The following D2HGDH variants were observed in gnomAD, a reference collection of about 807,000 sequenced individuals.
D2HGDH encodes the protein D-2-hydroxyglutarate dehydrogenase, mitochondrial.
Under a neutral mutation model 46.9 loss-of-function variants are expected in D2HGDH, and 31 were observed. The observed-to-expected ratio is 0.66, with a 90% CI of 0.50 to 0.89. The LOEUF (loss-of-function observed/expected upper bound fraction) is 0.89, where lower values mean the gene tolerates loss of function less well. D2HGDH is among the 40% of genes least tolerant of loss of function. The pLI, the probability that D2HGDH is intolerant of heterozygous loss-of-function variation, is 0.00. For missense variants in D2HGDH, 698 were observed against 720.8 expected (o/e 0.97, Z 0.36); for synonymous variants, 364 against 332.6 (o/e 1.09, Z -1.03).
intron 9 of D2HGDH, among the ~76,000 whole-genome samples, chr2:241,760,584 C>T (rs1379662386): frequency 5.9e-5 from 9 of 151,664 alleles, no homozygotes; most frequent in Non-Finnish European, 1.0e-4. Flanking sequence ...CCCAATCAGT[C>T]GAAGTCCTTC....
intron 9 of D2HGDH, among the ~76,000 whole-genome samples, chr2:241,764,477 C>T (rs1287498081): frequency 1.3e-5 from 2 of 152,158 alleles, no homozygotes; most frequent in Non-Finnish European, 2.9e-5. Context: ...TTAGGGATGT[C>T]ACATGACAGG....
chr2:241,759,950 T>G (rs936034275), intron 9 of D2HGDH, among the ~76,000 whole-genome samples: 1 of 152,296 alleles, frequency 6.6e-6, no homozygotes, highest in Admixed American at 6.5e-5. Flanking sequence ...ATATTTTTTA[T>G]GTGTGATTAA....
At chr2:241,763,240 TCA>T (rs1698992365) in intron 9 of D2HGDH, among the ~76,000 whole-genome samples, 1 of 152,232 alleles carries the variant, frequency 6.6e-6, no homozygotes, top group African/African-American at 2.4e-5. Context: ...CGGAGGGCAC[TCA>T]CACCCAGATG....
In D2HGDH at chr2:241,735,258, T is replaced by A. The variant is rs748165874; in HGVS notation, c.34T>A (p.Trp12Arg). The A allele has an allele frequency of 6.6e-7, 1 of 1,517,930 alleles. No individual in the cohort carries two copies. The highest frequency in any genetic ancestry group is 1.2e-5 in the South Asian group (1 of 81,878). 94.0% of individuals were successfully genotyped at this position (1,517,930 alleles called of 1,614,324 possible). A position where few individuals can be genotyped will look rare whatever the true frequency, so the allele number is the denominator to read the frequency against. Residue 12 changes from tryptophan (W) to arginine (R), a missense_variant, in exon 2 of 10, where the codon TGG becomes AGG. Coordinates refer to ENST00000321264, the MANE Select transcript of D2HGDH (RefSeq NM_152783.5). ...LPRRPLAWPA[W>R]LLRGAPGAAG... ...CCGTCGGCCTCTGGCGTGGCCCGCG[T>A]GGCTGTTGCGGGGTGCTCCGGGAGC...
At position 241,758,750 on chromosome 2, in the gene D2HGDH, GC is replaced by G. The variant is rs1333453744; in HGVS notation, c.1306+2742del. ...AACACAGTGACATCTGATCTATACC[GC>G]CCCCCGCCCCACAATATATGTGTGT... is the stretch of plus-strand genomic sequence containing the variant. On this transcript the variant is annotated intron_variant, in intron 9 of 9. Transcript: ENST00000321264. Among the ~76,000 whole-genome samples, 4 of 144,106 alleles carry G rather than the reference GC, an allele frequency of 2.8e-5. No individual in the cohort carries two copies. In the East Asian group the frequency reaches 8.4e-4, roughly 30 times the overall value. 94.5% of individuals were successfully genotyped at this position (144,106 alleles called of 152,430 possible).
chr2:241,761,079 C>T (rs1214913361), intron 9 of D2HGDH, among the ~76,000 whole-genome samples: 1 of 152,174 alleles, frequency 6.6e-6, no homozygotes, highest in Admixed American at 6.5e-5. Context: ...CGTTTACCCC[C>T]CAGTTTATGG....
chr2:241,748,761 A>T, intron 6 of D2HGDH: 1 of 1,073,124 alleles, frequency 9.3e-7, no homozygotes, highest in Non-Finnish European at 1.2e-6. Context: ...GGCAGCCTTG[A>T]CTGCTTCTGC....
At position 241,767,992 on chromosome 2, in the gene D2HGDH, G is replaced by A. The variant is rs1448976720; in HGVS notation, c.*23G>A. 19 of 1,570,636 alleles carry A rather than the reference G, an allele frequency of 1.2e-5. No individual in the cohort carries two copies. Among genetic ancestry groups the A allele is most frequent in the Admixed American group, 1.8e-5 (1 of 55,866 alleles). ...TGACGGCCACTCCTGCTGCTGCCAA[G>A]GCCCACTGGGGGTCGGCGGGTGGCT... On this transcript the variant is annotated 3_prime_UTR_variant, in exon 10 of 10. Coordinates refer to ENST00000321264, the MANE Select transcript of D2HGDH (RefSeq NM_152783.5).
chr2:241,758,326 A>G (rs1451073060), intron 9 of D2HGDH, among the ~76,000 whole-genome samples: 1 of 152,034 alleles, frequency 6.6e-6, no homozygotes, highest in African/African-American at 2.4e-5. Context: ...TTGAGGGAGT[A>G]TTTTAAAATT....
At chr2:241,758,846 C>T (rs1019911777) in intron 9 of D2HGDH, among the ~76,000 whole-genome samples, 5 of 147,522 alleles carry the variant, frequency 3.4e-5, no homozygotes, top group African/African-American at 1.0e-4. Flanking sequence ...GTTGTGTGGC[C>T]GGACCGGTCT....
chr2:241,740,963 G>C (rs985606296), intron 2 of D2HGDH, 70 bp from the exon 3 acceptor site: 3 of 1,321,194 alleles, frequency 2.3e-6, no homozygotes, highest in Admixed American at 1.8e-5. Context: ...TCGCTCTCTG[G>C]GGCGAGTGAC....
At chr2:241,759,060 G>A (rs1698487525) in intron 9 of D2HGDH, among the ~76,000 whole-genome samples, 1 of 152,008 alleles carries the variant, frequency 6.6e-6, no homozygotes, top group Non-Finnish European at 1.5e-5. Flanking sequence ...CTTTTTTATT[G>A]CATTATACCC....
Position 241,768,178 on chromosome 2 carries a change from C to T in D2HGDH, c.*209C>T, listed in dbSNP as rs1699307591. On this transcript the variant is annotated 3_prime_UTR_variant, in exon 10 of 10. Transcript: ENST00000321264. Reference sequence around the variant, plus strand: ...AGTGGGGGGCGTGGCAGGCACCCTCCTTTGCAGGGCGAGGTGGGGCCTCTG... The same window carrying T: ...AGTGGGGGGCGTGGCAGGCACCCTCTTTTGCAGGGCGAGGTGGGGCCTCTG... The T allele has an allele frequency of 5.2e-6, 4 of 770,422 alleles. No homozygotes were observed. The highest frequency in any genetic ancestry group is 8.1e-6 in the Non-Finnish European group (4 of 495,716). The allele number at this position is 770,422 out of a possible 1,614,324, so 47.7% of individuals were successfully genotyped here.
intron 6 of D2HGDH, among the ~76,000 whole-genome samples, chr2:241,745,260 C>T (rs1238760826): frequency 6.6e-6 from 1 of 152,198 alleles, no homozygotes; most frequent in Non-Finnish European, 1.5e-5. Context: ...AAAGAATTCC[C>T]TCCTGTAATG....
rs145731647 is a variant in D2HGDH at position 241,741,010 on chromosome 2, A to T, written c.293-23A>T. 23,605 of 1,610,596 alleles carry T rather than the reference A, an allele frequency of 0.015. 242 individuals are homozygous for T. The highest frequency in any genetic ancestry group is 0.016 in the Non-Finnish European group (18,768 of 1,177,310). On this transcript the variant is annotated intron_variant, in intron 2 of 9. Transcript: ENST00000321264. ...TCTGCAGCTCCCCCCACGCTGTCTC[A>T]TAGGATCTTCTTCCTGTCACAGGCT...
rs958941769 is a variant in D2HGDH at position 241,767,877 on chromosome 2, C to T, written c.1474C>T (p.Pro492Ser). Residue 492 changes from proline to serine, a missense_variant, in exon 10 of 10, where the codon CCG becomes TCG. Transcript: ENST00000321264. The stretch of plus-strand genomic sequence containing the variant: ...GGACGTCCTGGGCTACAGCAAGCCA[C>T]CGGGGGCCCTGCAGCTCATGCAGCA... ...KRDVLGYSKP[P>S]GALQLMQQLK... is the part of the protein sequence containing the mutation. 1.2e-6 allele frequency: 2 copies of T among 1,609,216 alleles called. No individual in the cohort carries two copies. The highest frequency in any genetic ancestry group is 2.2e-5 in the East Asian group (1 of 44,720).
intron 6 of D2HGDH, among the ~76,000 whole-genome samples, chr2:241,745,314 T>C (rs932640027): frequency 3.9e-5 from 6 of 152,222 alleles, no homozygotes; most frequent in Non-Finnish European, 8.8e-5. Context: ...TCAGCAGACC[T>C]GCCTGCTGCT....
At chr2:241,735,834 C>T (rs2125003723) in intron 2 of D2HGDH, 1 of 385,300 alleles carries the variant, frequency 2.6e-6, no homozygotes, top group Non-Finnish European at 4.8e-6. Flanking sequence ...GCGACGTCGG[C>T]TCACTGCCAC....
rs142050154 is a variant in D2HGDH, at chr2:241,741,066, C to G, written c.326C>G (p.Ser109Trp). 14 of 1,613,888 alleles carry G rather than the reference C, an allele frequency of 8.7e-6. No individual in the cohort carries two copies. Among genetic ancestry groups the G allele is most frequent in the Non-Finnish European group, 1.1e-5 (13 of 1,180,002 alleles). ...CSKVLLRPRT[S>W]EEVSHILRHC... Reference sequence around the variant, plus strand: ...AAGGTGCTGCTGAGGCCACGGACGTCGGAGGAGGTGTCCCACATCCTCAGG... The same window carrying G: ...AAGGTGCTGCTGAGGCCACGGACGTGGGAGGAGGTGTCCCACATCCTCAGG... Residue 109 changes from serine (S) to tryptophan (W), a missense_variant, in exon 3 of 10, where the codon TCG becomes TGG. Physicochemically the swap from Ser to Trp is radical, Grantham distance 177. Transcript: ENST00000321264.
Sources: gnomAD v4.1 joint callset for allele counts (sites outside exome capture counted in the v4.1 genomes callset) on GRCh38, gnomAD v4.1.1 for gene constraint, MANE v1.5 for transcripts, NCBI Gene and HGNC (gene_info 2026-07-23, HGNC 2026-07-21) for gene names.